NF2: variants seen among roughly 807,000 people sequenced by gnomAD.
NF2 encodes the protein merlin.
In NF2, 8 loss-of-function variants were observed where a neutral mutation model predicts 83.7. That is an observed-to-expected ratio of 0.10 (90% confidence interval 0.06 to 0.17). NF2 has a LOEUF of 0.17. Ranked by LOEUF, NF2 falls within the 10% of genes least tolerant of loss-of-function variation. NF2 has a pLI of 1.00. For missense variants in NF2, 533 were observed against 744.4 expected, an observed-to-expected ratio of 0.72 and a Z score of 3.31; for synonymous variants, 266 against 269.6, an observed-to-expected ratio of 0.99 and a Z score of 0.13.
At chr22:29,647,503 C>T (rs1466439312) in intron 4 of NF2, among the ~76,000 whole-genome samples, 1 of 152,096 alleles carries the variant, frequency 6.6e-6, no homozygotes, top group Non-Finnish European at 1.5e-5. Flanking sequence ...TGGAGTGAGA[C>T]AACTTTGGAA....
intron 1 of NF2, among the ~76,000 whole-genome samples, chr22:29,626,482 C>T (rs1450684351): frequency 6.6e-6 from 1 of 152,158 alleles, no homozygotes; most frequent in Admixed American, 6.5e-5. Context: ...CAGTCCTATC[C>T]ACTCATGCCT....
chr22:29,644,693 C>T (rs1216564211), intron 4 of NF2, among the ~76,000 whole-genome samples: 15 of 152,084 alleles, frequency 9.9e-5, no homozygotes, highest in Non-Finnish European at 1.8e-4. Context: ...CCGAGGCTGG[C>T]GGATCACTCG....
At chr22:29,651,810 G>A (rs147580179) in intron 4 of NF2, among the ~76,000 whole-genome samples, 293 of 152,288 alleles carry the variant, frequency 1.9e-3, no homozygotes, top group African/African-American at 6.7e-3. Flanking sequence ...CATGCCTTTG[G>A]AACCTGAATT....
chr22:29,612,030 C>T (rs1474644056), intron 1 of NF2, among the ~76,000 whole-genome samples: 8 of 151,888 alleles, frequency 5.3e-5, no homozygotes, highest in Non-Finnish European at 8.8e-5. Flanking sequence ...TTTTTTGAAA[C>T]GGAGTCTCAC....
chr22:29,651,107 A>G (rs982913485), intron 4 of NF2, among the ~76,000 whole-genome samples: 1 of 152,116 alleles, frequency 6.6e-6, no homozygotes, highest in Admixed American at 6.5e-5. Flanking sequence ...TAGGTTTAAG[A>G]ATTTATTGAC....
intron 9 of NF2, among the ~76,000 whole-genome samples, chr22:29,666,582 A>T (rs900097300): frequency 6.6e-6 from 1 of 152,090 alleles, no homozygotes; most frequent in African/African-American, 2.4e-5. Flanking sequence ...TGGAGAGGTC[A>T]AGGCAGGATA....
At chr22:29,681,732 A>C in intron 15 of NF2, 131 bp downstream of exon 15, 1 of 1,112,750 alleles carries the variant, frequency 9.0e-7, no homozygotes, top group Non-Finnish European at 1.3e-6. Flanking sequence ...TAGTTGAGGA[A>C]ATTTTTTAAC....
chr22:29,654,106 A>G (rs186108836), intron 4 of NF2, among the ~76,000 whole-genome samples: 25 of 152,304 alleles, frequency 1.6e-4, no homozygotes, highest in Admixed American at 3.9e-4. Context: ...AGGAAGATCA[A>G]TTAACCTTTT....
chr22:29,688,091 AGAAGACT>A (rs2067311473), intron 15 of NF2, among the ~76,000 whole-genome samples: 1 of 152,230 alleles, frequency 6.6e-6, no homozygotes, highest in Non-Finnish European at 1.5e-5. Context: ...AGCTCTAGAT[AGAAGACT>A]GTATCGGCCT....
At chr22:29,620,120 G>A (rs574163955) in intron 1 of NF2, among the ~76,000 whole-genome samples, 150 of 152,212 alleles carry the variant, frequency 9.9e-4, no homozygotes, top group African/African-American at 3.3e-3. Flanking sequence ...TTAGCCAGGC[G>A]TGGTAGTGGG....
At chr22:29,620,346 A>G (rs1474607135) in intron 1 of NF2, among the ~76,000 whole-genome samples, 1 of 152,172 alleles carries the variant, frequency 6.6e-6, no homozygotes, top group Non-Finnish European at 1.5e-5. Context: ...ACTTGAGCCC[A>G]GGAGTTCGAG....
chr22:29,672,090 T>C (rs1314780298), intron 11 of NF2, 142 bp downstream of exon 11: 1 of 1,260,164 alleles, frequency 7.9e-7, no homozygotes, highest in African/African-American at 1.5e-5. Flanking sequence ...CAGTGCCTTT[T>C]CTTTTCACCT....
chr22:29,683,597 C>A, intron 15 of NF2: 9 of 1,092,082 alleles, frequency 8.2e-6, no homozygotes, highest in Non-Finnish European at 8.9e-6. Context: ...CTGCACACAT[C>A]CCTTTTCTTT....
chr22:29,644,150 C>T (rs1165199320), intron 4 of NF2, among the ~76,000 whole-genome samples: 3 of 151,530 alleles, frequency 2.0e-5, no homozygotes, highest in East Asian at 2.0e-4. Context: ...CGGAGGAGCT[C>T]CTCACTTCAC....
At chr22:29,631,344 C>G (rs932329745) in intron 1 of NF2, among the ~76,000 whole-genome samples, 2 of 152,186 alleles carry the variant, frequency 1.3e-5, no homozygotes, top group Non-Finnish European at 2.9e-5. Flanking sequence ...AACAGCATCT[C>G]TCCTCAGGAA....
chr22:29,652,959 C>T (rs1447510111), intron 4 of NF2, among the ~76,000 whole-genome samples: 1 of 152,172 alleles, frequency 6.6e-6, no homozygotes, highest in Non-Finnish European at 1.5e-5. Context: ...CTTCCACTGT[C>T]ACTCAGGCTG....
chr22:29,604,299 G>A (rs2064726494), intron 1 of NF2, among the ~76,000 whole-genome samples, 187 bp downstream of exon 1: 1 of 152,210 alleles, frequency 6.6e-6, no homozygotes, highest in South Asian at 2.1e-4. Flanking sequence ...GGCATTTCCT[G>A]AAGGTTATTT....
intron 1 of NF2, among the ~76,000 whole-genome samples, chr22:29,610,725 A>C (rs1407988220): frequency 6.6e-6 from 1 of 152,128 alleles, no homozygotes; most frequent in African/African-American, 2.4e-5. Flanking sequence ...TTCACCACTG[A>C]ATTCTATCAA....
At chr22:29,654,588 C>T (rs2146965563) in intron 4 of NF2, 69 bp from the exon 5 acceptor site, 1 of 1,343,032 alleles carries the variant, frequency 7.4e-7, no homozygotes, top group South Asian at 1.2e-5. Flanking sequence ...TGAGATTGGT[C>T]CAGCTCTGTT....
Sources: allele counts gnomAD v4.1 joint callset (sites outside exome capture counted in the v4.1 genomes callset), GRCh38; gene constraint gnomAD v4.1.1; transcripts MANE v1.5; gene names NCBI Gene and HGNC (gene_info 2026-07-23, HGNC 2026-07-21).